The following STAU1 variants were observed in gnomAD, a reference collection of about 807,000 sequenced individuals.
STAU1 encodes double-stranded RNA-binding protein Staufen homolog 1.
Under a neutral mutation model 62.9 loss-of-function variants are expected in STAU1, and 13 were observed. The ratio of observed to expected loss-of-function variants is 0.21; its 90% CI spans 0.13 to 0.33. The LOEUF (loss-of-function observed/expected upper bound fraction) is 0.33. Among genes scored for constraint, STAU1 ranks in the 10% least tolerant of loss-of-function variants. The pLI, the probability that STAU1 is intolerant of heterozygous loss-of-function variation, is 1.00. For missense variants in STAU1, 571 were observed against 712.1 expected, an observed-to-expected ratio of 0.80 and a Z score of 2.25; for synonymous variants, 269 against 265.1, an observed-to-expected ratio of 1.01 and a Z score of -0.14.
intron 4 of STAU1, 103 bp downstream of exon 4, chr20:49,153,830 C>T (rs2146260686): frequency 7.8e-7 from 1 of 1,279,032 alleles, no homozygotes; most frequent in Non-Finnish European, 1.0e-6. Context: ...CAGGCCCAAA[C>T]CAAATCATTA....
At chr20:49,134,564 A>G in intron 6 of STAU1, 1 of 1,301,310 alleles carries the variant, frequency 7.7e-7, no homozygotes, top group Non-Finnish European at 1.1e-6. Context: ...AAGTCAATTC[A>G]AAGGACCTGC....
intron 6 of STAU1, among the ~76,000 whole-genome samples, chr20:49,125,198 C>CAAAAAAAAAAAAAAAAAA (rs1171534142): frequency 3.0e-4 from 10 of 33,734 alleles, no homozygotes; most frequent in East Asian, 1.4e-3. Context: ...CTCATTTTTG[C>CAAAAAAAAAAAAAAAAAA]AAAAAAAAAA....
intron 5 of STAU1, among the ~76,000 whole-genome samples, chr20:49,148,185 T>C (rs2093167996): frequency 6.6e-6 from 1 of 152,202 alleles, no homozygotes; most frequent in Non-Finnish European, 1.5e-5. Context: ...GCATTCCTAA[T>C]TCAAAAATCC....
intron 5 of STAU1, among the ~76,000 whole-genome samples, chr20:49,145,001 T>G (rs1035934875): frequency 6.6e-6 from 1 of 152,190 alleles, no homozygotes; most frequent in Non-Finnish European, 1.5e-5. Context: ...CTATGATAAT[T>G]GTAAGACAGA....
At chr20:49,134,317 G>C (rs1385675122) in intron 6 of STAU1, among the ~76,000 whole-genome samples, 1 of 151,834 alleles carries the variant, frequency 6.6e-6, no homozygotes, top group Non-Finnish European at 1.5e-5. Flanking sequence ...TGTAATCCCA[G>C]CTACTCAGGA....
At chr20:49,163,419 CTTTTTTTTTTT>C (rs200864480) in intron 3 of STAU1, among the ~76,000 whole-genome samples, 1 of 82,436 alleles carries the variant, frequency 1.2e-5, no homozygotes. Flanking sequence ...GTGTTTAAAC[CTTTTTTTTTTT>C]TTTTTTTTTT....
chr20:49,158,837 T>G (rs779481046), intron 3 of STAU1: 22 of 822,398 alleles, frequency 2.7e-5, no homozygotes, highest in Non-Finnish European at 3.4e-5. Flanking sequence ...CGGTGGCTCA[T>G]GCCTGTAATC....
In STAU1 at chr20:49,153,755, A is replaced by G. The variant is rs555084309; in HGVS notation, c.344+178T>C. On this transcript the variant is annotated intron_variant, in intron 4 of 13. Coordinates refer to ENST00000371856, the MANE Select transcript of STAU1 (RefSeq NM_017453.4). ...AAAAAAAAAAAAAGAAAGAAAGAAA[A>G]AAAAGAAAAGGCGGGGGAGGGGCAC... Among the ~76,000 whole-genome samples, 13 of 150,506 alleles carry G rather than the reference A, an allele frequency of 8.6e-5. No homozygotes were observed. In the East Asian group the frequency reaches 2.5e-3, roughly 29 times the overall value.
chr20:49,177,391 T>G (rs1204815359), intron 1 of STAU1, among the ~76,000 whole-genome samples: 2 of 151,478 alleles, frequency 1.3e-5, no homozygotes, highest in African/African-American at 4.8e-5. Flanking sequence ...AATTTAAAAA[T>G]TTAAGGGCCG....
At chr20:49,204,125 CTT>C in the STAU1 span, among the ~76,000 whole-genome samples, 4 of 147,264 alleles carry the variant, frequency 2.7e-5, no homozygotes, top group Non-Finnish European at 3.0e-5. Flanking sequence ...TGTGTATTTA[CTT>C]TTTTTTTTTT....
At chr20:49,142,872 A>G (rs1384345469) in intron 5 of STAU1, among the ~76,000 whole-genome samples, 1 of 152,098 alleles carries the variant, frequency 6.6e-6, no homozygotes, top group African/African-American at 2.4e-5. Context: ...GCATAATCAG[A>G]GCTCACTGCG....
chr20:49,161,739 T>C (rs1192886402), intron 3 of STAU1, among the ~76,000 whole-genome samples: 4 of 152,194 alleles, frequency 2.6e-5, no homozygotes, highest in South Asian at 2.1e-4. Flanking sequence ...AAGACTACTA[T>C]TCTCCTAGGG....
intron 3 of STAU1, among the ~76,000 whole-genome samples, chr20:49,157,038 G>A (rs936793543): frequency 1.3e-5 from 2 of 151,486 alleles, no homozygotes; most frequent in African/African-American, 2.4e-5. Flanking sequence ...CACCATGCCC[G>A]GCTAATTTCT....
rs138121533 is a variant in STAU1 at position 49,173,147 on chromosome 20, A to G, written c.-85+1048T>C. On this transcript the variant is annotated intron_variant, in intron 2 of 13. Transcript: ENST00000371856. The stretch of plus-strand genomic sequence containing the variant: ...GCGTGAGCCACTGCGCCCAGCCGAT[A>G]ATACAATTCTTTAAAAAGAAAAGCA... Among the ~76,000 whole-genome samples the G allele has an allele frequency of 3.1e-3, 472 of 150,332 alleles. 3 individuals carry two copies. The highest frequency in any genetic ancestry group is 0.011 in the African/African-American group (440 of 41,164).
At chr20:49,147,962 A>C (rs1057135753) in intron 5 of STAU1, among the ~76,000 whole-genome samples, 1 of 152,244 alleles carries the variant, frequency 6.6e-6, no homozygotes, top group Non-Finnish European at 1.5e-5. Flanking sequence ...TACAGTGATT[A>C]TCCGCAAGTG....
chr20:49,157,473 T>C (rs147743442), intron 3 of STAU1, among the ~76,000 whole-genome samples: 1,807 of 151,322 alleles, frequency 0.012, 41 homozygotes, highest in African/African-American at 0.04. Flanking sequence ...ACCACCATAC[T>C]TGGCTAATTT....
chr20:49,123,004 A>T, intron 8 of STAU1, 88 bp downstream of exon 8: 1 of 1,409,768 alleles, frequency 7.1e-7, no homozygotes, highest in Non-Finnish European at 9.4e-7. Flanking sequence ...CAGCCTCCTC[A>T]GGAAGGTGTC....
intron 6 of STAU1, among the ~76,000 whole-genome samples, chr20:49,126,868 G>T (rs1164774559): frequency 6.6e-6 from 1 of 150,620 alleles, no homozygotes; most frequent in African/African-American, 2.5e-5. Flanking sequence ...GAGCGGGGTG[G>T]GGGGAAGAAA....
At chr20:49,191,744 A>G (rs763768388), upstream of STAU1, among the ~76,000 whole-genome samples, 37 of 152,134 alleles carry the variant, frequency 2.4e-4, no homozygotes, top group Admixed American at 3.9e-4. Context: ...AAGAGCAACA[A>G]TTAGAAGACA....
Sources: gnomAD v4.1 joint callset for allele counts (sites outside exome capture counted in the v4.1 genomes callset) on GRCh38, gnomAD v4.1.1 for gene constraint, MANE v1.5 for transcripts, NCBI Gene and HGNC (gene_info 2026-07-23, HGNC 2026-07-21) for gene names.